The following BICRAL variants were observed in gnomAD, a reference collection of about 807,000 sequenced individuals.
The protein encoded by BICRAL is BRD4-interacting chromatin-remodeling complex-associated protein-like.
A neutral mutation model predicts 91.8 loss-of-function variants in BICRAL; 8 were observed. That is an observed-to-expected ratio of 0.09 (90% CI 0.05 to 0.16). BICRAL has a LOEUF of 0.16. BICRAL is among the 10% of genes least tolerant of loss of function. The pLI is 1.00. For synonymous variants in BICRAL, 445 were observed against 491.1 expected (o/e 0.91, Z 1.24); for missense variants, 1,038 against 1,310.9 (o/e 0.79, Z 3.21).
At chr6:42,821,731 G>A (rs1764141925) in intron 2 of BICRAL, among the ~76,000 whole-genome samples, 1 of 152,112 alleles carries the variant, frequency 6.6e-6, no homozygotes, top group African/African-American at 2.4e-5. Flanking sequence ...GCCCCTTGGG[G>A]GAATCTGCAT....
At chr6:42,803,069 C>T (rs954485505) in intron 1 of BICRAL, among the ~76,000 whole-genome samples, 5 of 152,170 alleles carry the variant, frequency 3.3e-5, no homozygotes, top group Admixed American at 3.3e-4. Flanking sequence ...AAACCCATAC[C>T]TGGCTGTGCC....
chr6:42,761,586 C>A (rs1344478088), intron 1 of BICRAL, among the ~76,000 whole-genome samples: 2 of 152,072 alleles, frequency 1.3e-5, no homozygotes, highest in Non-Finnish European at 2.9e-5. Flanking sequence ...TCATCTGTTG[C>A]ATGAGATAAT....
At chr6:42,775,432 C>G (rs924349602) in intron 1 of BICRAL, among the ~76,000 whole-genome samples, 1 of 152,306 alleles carries the variant, frequency 6.6e-6, no homozygotes, top group East Asian at 1.9e-4. Context: ...TCCACTCCCC[C>G]ATCCTCCTGA....
intron 1 of BICRAL, among the ~76,000 whole-genome samples, chr6:42,784,477 G>C (rs1371914548): frequency 6.6e-6 from 1 of 152,178 alleles, no homozygotes; most frequent in African/African-American, 2.4e-5. Context: ...ATACATAGTG[G>C]ATGTTTTAGA....
intron 5 of BICRAL, among the ~76,000 whole-genome samples, chr6:42,824,130 C>T (rs1275962475): frequency 6.6e-6 from 1 of 151,800 alleles, no homozygotes; most frequent in African/African-American, 2.4e-5. Flanking sequence ...ACTCAGGAGG[C>T]TGAGGCAGGA....
intron 6 of BICRAL, among the ~76,000 whole-genome samples, chr6:42,849,358 T>A (rs1381482793): frequency 6.6e-6 from 1 of 152,118 alleles, no homozygotes; most frequent in Non-Finnish European, 1.5e-5. Flanking sequence ...AGTGTCAGGA[T>A]TACAGGCATG....
At chr6:42,750,304 G>A (rs1053568607) in intron 1 of BICRAL, among the ~76,000 whole-genome samples, 2 of 151,892 alleles carry the variant, frequency 1.3e-5, no homozygotes, top group Non-Finnish European at 2.9e-5. Flanking sequence ...GGCACTACAG[G>A]TGTGCACCAC....
chr6:42,837,366 A>G (rs1764672263), intron 6 of BICRAL, among the ~76,000 whole-genome samples: 1 of 152,122 alleles, frequency 6.6e-6, no homozygotes, highest in South Asian at 2.1e-4. Context: ...GCAGGTTTTG[A>G]TACTATAAAT....
intron 6 of BICRAL, among the ~76,000 whole-genome samples, chr6:42,843,992 C>A (rs1242034257): frequency 7.0e-6 from 1 of 143,036 alleles, no homozygotes; most frequent in Admixed American, 7.1e-5. Context: ...TTAGTAGAGA[C>A]GGGGTTTCAT....
intron 6 of BICRAL, among the ~76,000 whole-genome samples, chr6:42,838,828 G>A (rs1764709732): frequency 6.6e-6 from 1 of 152,158 alleles, no homozygotes; most frequent in African/African-American, 2.4e-5. Flanking sequence ...GGGTGTGGTG[G>A]TGCATGCCTG....
intron 1 of BICRAL, among the ~76,000 whole-genome samples, chr6:42,763,721 T>C (rs1017929901): frequency 2.4e-4 from 36 of 151,834 alleles, no homozygotes; most frequent in African/African-American, 8.5e-4. Flanking sequence ...CTTGGGAGGC[T>C]AAGGCAAGAG....
chr6:42,851,102 T>C (rs939571763), intron 6 of BICRAL, among the ~76,000 whole-genome samples: 27 of 152,048 alleles, frequency 1.8e-4, no homozygotes, highest in Non-Finnish European at 3.7e-4. Flanking sequence ...GGAGAATCCA[T>C]TGAACTTGGG....
intron 10 of BICRAL, among the ~76,000 whole-genome samples, chr6:42,858,544 G>A (rs1313700336): frequency 4.2e-4 from 60 of 142,490 alleles, no homozygotes; most frequent in African/African-American, 1.5e-3. Context: ...AAGGCTGGGC[G>A]CAGTGTCTCA....
chr6:42,754,384 G>T (rs1191579395), intron 1 of BICRAL, among the ~76,000 whole-genome samples: 1 of 150,980 alleles, frequency 6.6e-6, no homozygotes, highest in Non-Finnish European at 1.5e-5. Context: ...GTGTTAGTCA[G>T]GATGGTCTGG....
At chr6:42,795,303 C>T (rs897612343) in intron 1 of BICRAL, among the ~76,000 whole-genome samples, 10 of 152,198 alleles carry the variant, frequency 6.6e-5, no homozygotes, top group African/African-American at 2.2e-4. Flanking sequence ...TAATGGTGCA[C>T]GCCTGCAATC....
rs1232127154 is a variant in BICRAL at position 42,829,354 on chromosome 6, G to A, written c.1021G>A (p.Gly341Arg). ...LGIQQHHVQQ[G>R]ISFASASSPQ... ...AATTCAGCAGCACCACGTACAACAA[G>A]GGATCTCTTTTGCTTCTGCAAGCTC... The change falls in exon 6 of 13, where the codon GGG (glycine) becomes AGG (arginine). Residue 341 changes from glycine to arginine, a missense_variant. Transcript: ENST00000314073. 2 of 1,614,184 alleles carry A rather than the reference G, an allele frequency of 1.2e-6. No homozygotes were observed. Among genetic ancestry groups the A allele is most frequent in the Non-Finnish European group, 1.7e-6 (2 of 1,180,040 alleles).
chr6:42,814,499 G>GTGTGTATATATATA (rs374054837), intron 2 of BICRAL, among the ~76,000 whole-genome samples: 10 of 61,264 alleles, frequency 1.6e-4, no homozygotes, highest in African/African-American at 7.1e-4. Context: ...GTGTGTGTGT[G>GTGTGTATATATATA]TATATATATA....
intron 6 of BICRAL, among the ~76,000 whole-genome samples, chr6:42,846,151 C>T (rs577733258): frequency 2.0e-5 from 3 of 150,202 alleles, no homozygotes; most frequent in East Asian, 4.0e-4. Flanking sequence ...CCGAGGCAGG[C>T]GCATCACGAG....
intron 6 of BICRAL, among the ~76,000 whole-genome samples, chr6:42,845,907 C>CA (rs70990152): frequency 1.9e-3 from 259 of 139,484 alleles, no homozygotes; most frequent in Non-Finnish European, 2.1e-3. Context: ...ACTAAAAATA[C>CA]AAAAAAAAAA....
Sources: allele counts gnomAD v4.1 joint callset (sites outside exome capture counted in the v4.1 genomes callset), GRCh38; gene constraint gnomAD v4.1.1; transcripts MANE v1.5; gene names NCBI Gene and HGNC (gene_info 2026-07-23, HGNC 2026-07-21).